Variants in ZBTB20 observed in about 807,000 individuals in gnomAD.
ZBTB20 encodes the protein zinc finger and BTB domain containing 20.
In ZBTB20, 9 loss-of-function variants were observed where a neutral mutation model predicts 56.9. That is an observed-to-expected ratio of 0.16 (90% CI 0.10 to 0.28). The LOEUF is 0.28. ZBTB20 is among the 10% of genes least tolerant of loss of function. The pLI, the probability that ZBTB20 is intolerant of heterozygous loss-of-function variation, is 1.00. For missense variants in ZBTB20, 655 were observed against 1,003.0 expected (o/e 0.65, Z 4.69); for synonymous variants, 417 against 420.7 (o/e 0.99, Z 0.11).
At chr3:115,041,235 T>C (rs2081130226) in intron 2 of ZBTB20, among the ~76,000 whole-genome samples, 2 of 152,190 alleles carry the variant, frequency 1.3e-5, no homozygotes, top group South Asian at 2.1e-4. Flanking sequence ...TCATGTTATA[T>C]TCACCATCTG....
At chr3:115,027,980 C>A (rs2080496506) in intron 2 of ZBTB20, among the ~76,000 whole-genome samples, 1 of 150,634 alleles carries the variant, frequency 6.6e-6, no homozygotes, top group Admixed American at 6.6e-5. Context: ...AGTATACATA[C>A]CTTGTAGAAC....
chr3:114,832,432 G>T (rs764108725), intron 4 of ZBTB20, among the ~76,000 whole-genome samples: 2 of 151,928 alleles, frequency 1.3e-5, no homozygotes, highest in African/African-American at 4.8e-5. Flanking sequence ...TCTAGTGAAG[G>T]CATGGTGACT....
chr3:114,745,038 G>A (rs2066923281), intron 5 of ZBTB20, among the ~76,000 whole-genome samples: 1 of 152,154 alleles, frequency 6.6e-6, no homozygotes. Flanking sequence ...AAATAACTCT[G>A]TTAATGTGTG....
At chr3:115,104,126 T>C (rs1327652429) in intron 1 of ZBTB20, among the ~76,000 whole-genome samples, 1 of 152,104 alleles carries the variant, frequency 6.6e-6, no homozygotes, top group African/African-American at 2.4e-5. Flanking sequence ...ATTGGGGAAA[T>C]GCACATTAAA....
intron 1 of ZBTB20, among the ~76,000 whole-genome samples, chr3:115,128,071 T>C (rs1213800934): frequency 6.6e-6 from 1 of 152,040 alleles, no homozygotes; most frequent in Non-Finnish European, 1.5e-5. Context: ...AAAACAAAAT[T>C]AAGAGATGAC....
chr3:114,914,801 T>C (rs560855028), intron 3 of ZBTB20, among the ~76,000 whole-genome samples: 86 of 151,916 alleles, frequency 5.7e-4, no homozygotes, highest in African/African-American at 1.9e-3. Context: ...TTAACAAATG[T>C]TTTTTTCCAG....
At chr3:114,367,897 C>T (rs371224007) in intron 10 of ZBTB20, among the ~76,000 whole-genome samples, 14 of 152,152 alleles carry the variant, frequency 9.2e-5, no homozygotes, top group Admixed American at 1.3e-4. Context: ...GGCTTTTCCT[C>T]GAAGTGAAGG....
intron 6 of ZBTB20, among the ~76,000 whole-genome samples, chr3:114,665,851 T>C (rs1489790416): frequency 6.6e-6 from 1 of 152,060 alleles, no homozygotes; most frequent in Non-Finnish European, 1.5e-5. Context: ...CTGACTGCCA[T>C]GGAAGCTTTC....
intron 6 of ZBTB20, among the ~76,000 whole-genome samples, chr3:114,625,168 A>G (rs2058583613): frequency 6.6e-6 from 1 of 152,076 alleles, no homozygotes; most frequent in African/African-American, 2.4e-5. Flanking sequence ...GGTCAAAATG[A>G]AAGCGCCTCA....
intron 7 of ZBTB20, among the ~76,000 whole-genome samples, chr3:114,443,009 G>C (rs1238905210): frequency 6.6e-6 from 1 of 152,080 alleles, no homozygotes; most frequent in Non-Finnish European, 1.5e-5. Context: ...AGATAAAAAT[G>C]CTATACTTGC....
chr3:114,636,887 A>G (rs2059304613), intron 6 of ZBTB20, among the ~76,000 whole-genome samples: 3 of 146,786 alleles, frequency 2.0e-5, no homozygotes, highest in African/African-American at 7.6e-5. Flanking sequence ...TAAGAGGAAG[A>G]CTATCCATAT....
In ZBTB20 at chr3:114,839,322, G is replaced by A. The variant is rs186696202; in HGVS notation, c.-416-38148C>T. On this transcript the variant is annotated intron_variant, in intron 4 of 11. Transcript: ENST00000675478. ...AGGCTGAAGTGGGAGGATCACTTGCGTGCAGGAGGTCAAGGCTGCAGCAAG... is the reference window on the plus strand; with the variant it reads ...AGGCTGAAGTGGGAGGATCACTTGCATGCAGGAGGTCAAGGCTGCAGCAAG... Among the ~76,000 whole-genome samples, 226 of 151,786 alleles carry A rather than the reference G, an allele frequency of 1.5e-3. 1 individual carries two copies. Among genetic ancestry groups the A allele is most frequent in the Middle Eastern group, 3.4e-3 (1 of 292 alleles).
intron 7 of ZBTB20, among the ~76,000 whole-genome samples, chr3:114,462,544 T>C (rs1449365042): frequency 2.6e-5 from 4 of 152,200 alleles, no homozygotes; most frequent in African/African-American, 9.6e-5. Context: ...TGCATTTCCA[T>C]ACCATATTCT....
intron 6 of ZBTB20, among the ~76,000 whole-genome samples, chr3:114,668,599 C>T (rs1051114292): frequency 1.1e-4 from 16 of 152,070 alleles, no homozygotes; most frequent in Admixed American, 9.8e-4. Flanking sequence ...TTTTAGTTTT[C>T]ACTAGGTCTC....
intron 1 of ZBTB20, among the ~76,000 whole-genome samples, chr3:115,097,647 A>G (rs2083429644): frequency 1.3e-5 from 2 of 152,168 alleles, no homozygotes; most frequent in Non-Finnish European, 2.9e-5. Context: ...CTGCTCCAAC[A>G]TTAAAATGAA....
At chr3:114,913,864 C>A (rs2075639459) in intron 3 of ZBTB20, among the ~76,000 whole-genome samples, 1 of 151,664 alleles carries the variant, frequency 6.6e-6, no homozygotes, top group Non-Finnish European at 1.5e-5. Context: ...TATGTTCTTG[C>A]CACCTGTGTT....
In ZBTB20 at chr3:114,326,443, T is replaced by A. The variant is rs2079067691; in HGVS notation, c.*12562A>T. Reference sequence around the variant, plus strand: ...AAGAGAGAATTTCTCTCTTAAAAGCTCATGAGTGCTATTTGAAATGGAAGA... The same window carrying A: ...AAGAGAGAATTTCTCTCTTAAAAGCACATGAGTGCTATTTGAAATGGAAGA... On this transcript the variant is annotated 3_prime_UTR_variant, in exon 12 of 12. Coordinates refer to ENST00000675478, the MANE Select transcript of ZBTB20 (RefSeq NM_001348800.3). 1 of 152,080 alleles carries A rather than the reference T, an allele frequency of 6.6e-6. No homozygotes were observed. The highest frequency in any genetic ancestry group is 2.1e-4 in the South Asian group (1 of 4,832). The allele number at this position is 152,080 out of a possible 1,614,324, so 9.4% of individuals were successfully genotyped here. A position where few individuals can be genotyped will look rare whatever the true frequency, so the allele number is the denominator to read the frequency against.
chr3:114,920,617 G>T (rs991855604), intron 3 of ZBTB20, among the ~76,000 whole-genome samples: 2 of 151,480 alleles, frequency 1.3e-5, no homozygotes, highest in African/African-American at 4.9e-5. Context: ...ACAACAAGAG[G>T]GAAGGACATA....
intron 6 of ZBTB20, among the ~76,000 whole-genome samples, chr3:114,556,658 T>C (rs2051260464): frequency 1.3e-5 from 2 of 152,102 alleles, no homozygotes; most frequent in East Asian, 1.9e-4. Flanking sequence ...TCTTTTCTAC[T>C]TGACAGATCT....
Sources: allele counts gnomAD v4.1 joint callset (sites outside exome capture counted in the v4.1 genomes callset), GRCh38; gene constraint gnomAD v4.1.1; transcripts MANE v1.5; gene names NCBI Gene and HGNC (gene_info 2026-07-23, HGNC 2026-07-21).